The following GRM7 variants were observed in gnomAD, a reference collection of about 807,000 sequenced individuals.
GRM7 encodes the protein glutamate metabotropic receptor 7.
In GRM7, 35 loss-of-function variants were observed where a neutral mutation model predicts 84.5. The ratio of observed to expected loss-of-function variants is 0.41; its 90% CI spans 0.32 to 0.55. GRM7 has a LOEUF of 0.55. Among genes scored for constraint, GRM7 ranks in the 20% least tolerant of loss-of-function variants. The pLI is 0.19. For synonymous variants in GRM7, 487 were observed against 455.1 expected, an observed-to-expected ratio of 1.07 and a Z score of -0.89; for missense variants, 1,003 against 1,194.6, an observed-to-expected ratio of 0.84 and a Z score of 2.36.
intron 2 of GRM7, among the ~76,000 whole-genome samples, chr3:7,231,137 TAGGTGTCACCCGTCTTGGA>T (rs960394758): frequency 6.6e-6 from 1 of 152,172 alleles, no homozygotes; most frequent in African/African-American, 2.4e-5. Context: ...AAAAAAAGTT[TAGGTGTCACCCGTCTTGGA>T]AGGCTCTGGG....
At chr3:7,228,792 A>T (rs1326952265) in intron 2 of GRM7, among the ~76,000 whole-genome samples, 1 of 152,086 alleles carries the variant, frequency 6.6e-6, no homozygotes, top group African/African-American at 2.4e-5. Flanking sequence ...ATTTCCCTTT[A>T]TTTGCTTTTC....
chr3:7,121,835 A>G (rs892238090), intron 1 of GRM7, among the ~76,000 whole-genome samples: 6 of 152,156 alleles, frequency 3.9e-5, no homozygotes, highest in Admixed American at 6.6e-5. Flanking sequence ...AACGCAACAT[A>G]TTGCAAGGTG....
At position 7,559,682 on chromosome 3, in the gene GRM7, T is replaced by G. The variant is rs79477204; in HGVS notation, c.1516-18740T>G. ...AGGCGAATGAACACAAAGAGTTTGA[T>G]TGTCAAATCTGATTTATACAAATCA... On this transcript the variant is annotated intron_variant, in intron 7 of 9. Transcript: ENST00000357716. 5.6e-3 allele frequency among the ~76,000 whole-genome samples: 845 copies of G among 152,248 alleles called. 6 individuals are homozygous for G. The highest frequency in any genetic ancestry group is 0.019 in the African/African-American group (796 of 41,566).
chr3:7,342,537 C>T (rs767789981), intron 4 of GRM7, among the ~76,000 whole-genome samples: 19 of 152,076 alleles, frequency 1.2e-4, no homozygotes, highest in East Asian at 1.9e-4. Context: ...CAGAGTACAC[C>T]GAGGGAAGAA....
chr3:7,510,361 C>T (rs188211695), intron 7 of GRM7, among the ~76,000 whole-genome samples: 10 of 152,204 alleles, frequency 6.6e-5, no homozygotes, highest in Admixed American at 2.0e-4. Context: ...GTGCCTGTTG[C>T]GGAGAAAGCT....
At chr3:6,953,179 CCT>C (rs781700816) in intron 1 of GRM7, among the ~76,000 whole-genome samples, 3 of 152,078 alleles carry the variant, frequency 2.0e-5, no homozygotes, top group African/African-American at 4.8e-5. Flanking sequence ...TCTTTCATCC[CCT>C]GTCTCTGTCA....
chr3:7,713,283 C>T (rs1356635239), intron 9 of GRM7, among the ~76,000 whole-genome samples: 1 of 151,544 alleles, frequency 6.6e-6, no homozygotes, highest in African/African-American at 2.4e-5. Context: ...ATTACAGGCA[C>T]CCACTACCAT....
At chr3:7,374,580 G>A (rs1354750743) in intron 4 of GRM7, among the ~76,000 whole-genome samples, 2 of 151,794 alleles carry the variant, frequency 1.3e-5, no homozygotes, top group African/African-American at 4.8e-5. Flanking sequence ...CAGGGTTCAA[G>A]CGATTCTTCT....
At chr3:7,704,623 T>C (rs540793018) in intron 9 of GRM7, among the ~76,000 whole-genome samples, 38 of 152,364 alleles carry the variant, frequency 2.5e-4, no homozygotes, top group Admixed American at 5.2e-4. Context: ...CACTGCACTG[T>C]TGTCATGCAG....
rs183674172 is a variant in GRM7, at chr3:7,549,140, G to A, written c.1516-29282G>A. On this transcript the variant is annotated intron_variant, in intron 7 of 9. Transcript: ENST00000357716. ...ACTATTAGAATTTTACAAATGTTAT[G>A]AGTCAGTTTATAAAAACAACCATTA... Among the ~76,000 whole-genome samples, 557 of 152,182 alleles carry A rather than the reference G, an allele frequency of 3.7e-3. 5 individuals carry two copies. Among genetic ancestry groups the A allele is most frequent in the African/African-American group, 0.012 (505 of 41,518 alleles).
chr3:7,371,581 T>C (rs1481024074), intron 4 of GRM7, among the ~76,000 whole-genome samples: 1 of 152,162 alleles, frequency 6.6e-6, no homozygotes, highest in African/African-American at 2.4e-5. Context: ...ACTGAGTGCT[T>C]TCTGCAAGTA....
chr3:6,959,274 C>G (rs1693198493), intron 1 of GRM7, among the ~76,000 whole-genome samples: 2 of 152,100 alleles, frequency 1.3e-5, no homozygotes. Context: ...TCTAGCCTGC[C>G]TACTCTAAGT....
chr3:7,249,886 T>C (rs2174968), intron 2 of GRM7, among the ~76,000 whole-genome samples: 129,288 of 152,174 alleles, frequency 0.85, 55,052 homozygotes, highest in East Asian at 0.98. Context: ...ATCTCAAGTG[T>C]GTTGAGATTG....
At chr3:7,410,320 C>G (rs1429845359) in intron 4 of GRM7, among the ~76,000 whole-genome samples, 1 of 152,004 alleles carries the variant, frequency 6.6e-6, no homozygotes, top group Non-Finnish European at 1.5e-5. Flanking sequence ...CCTGTAATCC[C>G]AACACTTTGG....
chr3:7,372,185 A>G (rs1338460874), intron 4 of GRM7, among the ~76,000 whole-genome samples: 2 of 152,174 alleles, frequency 1.3e-5, no homozygotes, highest in Non-Finnish European at 2.9e-5. Flanking sequence ...AGAAATAACT[A>G]GGGAAGGAGG....
At chr3:7,185,747 G>T (rs762094166) in intron 2 of GRM7, among the ~76,000 whole-genome samples, 1 of 152,204 alleles carries the variant, frequency 6.6e-6, no homozygotes, top group Non-Finnish European at 1.5e-5. Context: ...GGATCCAGCA[G>T]TCTGTTTCAA....
intron 1 of GRM7, chr3:6,884,083 A>T (rs1156842389): frequency 6.5e-6 from 1 of 152,672 alleles, no homozygotes; most frequent in Non-Finnish European, 1.5e-5. Context: ...GCAGTGTGCC[A>T]TCCATTGGTA....
chr3:7,517,399 GTATTAT>G (rs1313397744), intron 7 of GRM7, among the ~76,000 whole-genome samples: 1 of 151,706 alleles, frequency 6.6e-6, no homozygotes, highest in Non-Finnish European at 1.5e-5. Flanking sequence ...AGTATTATTA[GTATTAT>G]TATTTGAGAC....
chr3:7,194,395 C>A (rs891654742), intron 2 of GRM7, among the ~76,000 whole-genome samples: 7 of 152,122 alleles, frequency 4.6e-5, no homozygotes, highest in Non-Finnish European at 8.8e-5. Context: ...ATACAGGGGT[C>A]ATTACTAAAA....
Sources: allele counts gnomAD v4.1 joint callset (sites outside exome capture counted in the v4.1 genomes callset), GRCh38; gene constraint gnomAD v4.1.1; transcripts MANE v1.5; gene names NCBI Gene and HGNC (gene_info 2026-07-23, HGNC 2026-07-21).